DRC1: variants seen among roughly 807,000 people sequenced by gnomAD.
DRC1 encodes the protein dynein regulatory complex protein 1.
Under a neutral mutation model 98.7 loss-of-function variants are expected in DRC1, and 74 were observed. The observed-to-expected ratio is 0.75, with a 90% confidence interval of 0.62 to 0.91. DRC1 has a LOEUF of 0.91. DRC1 is among the 40% of genes least tolerant of loss of function. The pLI is 0.00. For synonymous variants in DRC1, 336 were observed against 334.1 expected, an observed-to-expected ratio of 1.01 and a Z score of -0.06; for missense variants, 875 against 886.0, an observed-to-expected ratio of 0.99 and a Z score of 0.16.
chr2:26,428,875 A>G (rs1027049846), intron 4 of DRC1, among the ~76,000 whole-genome samples: 14 of 152,102 alleles, frequency 9.2e-5, no homozygotes, highest in Admixed American at 7.9e-4. Context: ...AAATGTTGCT[A>G]TGCAGCACAT....
At chr2:26,436,934 A>C (rs1447312249) in intron 7 of DRC1, among the ~76,000 whole-genome samples, 1 of 151,410 alleles carries the variant, frequency 6.6e-6, no homozygotes, top group African/African-American at 2.4e-5. Context: ...AGTTCCGAAG[A>C]CCCTCCTTCT....
intron 5 of DRC1, chr2:26,430,532 TGATA>T (rs2147991351): frequency 1.8e-6 from 1 of 567,700 alleles, no homozygotes; most frequent in East Asian, 4.2e-5. Flanking sequence ...TCCCTGCCTC[TGATA>T]TTGACTAAGC....
chr2:26,449,101 C>G (rs924585076), intron 11 of DRC1, among the ~76,000 whole-genome samples: 1 of 152,264 alleles, frequency 6.6e-6, no homozygotes, highest in Non-Finnish European at 1.5e-5. Context: ...GCTTCTGAGA[C>G]AGAAGTTGCA....
At chr2:26,433,117 A>C (rs1454489006) in intron 7 of DRC1, among the ~76,000 whole-genome samples, 1 of 152,216 alleles carries the variant, frequency 6.6e-6, no homozygotes, top group Non-Finnish European at 1.5e-5. Context: ...GGTATTGAAG[A>C]AGGATTCCTG....
intron 1 of DRC1, among the ~76,000 whole-genome samples, chr2:26,408,259 C>T (rs1043179588): frequency 1.3e-5 from 2 of 152,006 alleles, no homozygotes; most frequent in African/African-American, 4.8e-5. Context: ...GAAAGTCAAG[C>T]GGAGGATCTA....
At position 26,429,776 on chromosome 2, in the gene DRC1, G is replaced by A. The variant is rs1663385019; in HGVS notation, c.678+11G>A. ...CTCTATAACATTGAGGTAACAGGGT[G>A]TGAAAAGACCTGGTTTCTGCTCTTG... On this transcript the variant is annotated intron_variant, in intron 5 of 16. Transcript: ENST00000288710. 6.2e-7 allele frequency: 1 copy of A among 1,613,444 alleles called. No homozygotes were observed. Among genetic ancestry groups the A allele is most frequent in the African/African-American group, 1.3e-5 (1 of 74,914 alleles).
At chr2:26,418,269 C>T (rs982344607) in intron 2 of DRC1, among the ~76,000 whole-genome samples, 5 of 151,698 alleles carry the variant, frequency 3.3e-5, no homozygotes, top group African/African-American at 9.7e-5. Flanking sequence ...CAATGTTATG[C>T]AACCCCTGGG....
intron 1 of DRC1, among the ~76,000 whole-genome samples, chr2:26,407,610 G>T (rs1384740737): frequency 6.6e-6 from 1 of 151,992 alleles, no homozygotes; most frequent in Non-Finnish European, 1.5e-5. Flanking sequence ...ACCTGAAGAT[G>T]ACAAAAGGCC....
intron 1 of DRC1, among the ~76,000 whole-genome samples, chr2:26,402,603 G>A (rs1678287497): frequency 1.3e-5 from 2 of 152,174 alleles, no homozygotes; most frequent in African/African-American, 4.8e-5. Flanking sequence ...TCCTAAGTGC[G>A]GGATGTATTG....
chr2:26,447,580 T>C (rs1295250433), intron 10 of DRC1, among the ~76,000 whole-genome samples: 2 of 152,094 alleles, frequency 1.3e-5, no homozygotes, highest in Non-Finnish European at 2.9e-5. Context: ...TTTATTTTTG[T>C]CTTTTTGAGA....
intron 2 of DRC1, among the ~76,000 whole-genome samples, chr2:26,414,737 A>T (rs750317379): frequency 6.6e-6 from 1 of 152,102 alleles, no homozygotes; most frequent in Admixed American, 6.5e-5. Flanking sequence ...CACTTTCCAA[A>T]CATATCTCCT....
rs371798371 is a variant in DRC1 at position 26,450,129 on chromosome 2, G to A, written c.1599+44G>A. ...GGAGGACACGGGTGGGGCTGCAGCC[G>A]GCCGTGTTCTCAGATGGCCCTGCCA... On this transcript the variant is annotated intron_variant, in intron 12 of 16. Coordinates refer to ENST00000288710, the MANE Select transcript of DRC1 (RefSeq NM_145038.5). The A allele has an allele frequency of 4.9e-4, 768 of 1,570,562 alleles. 5 individuals are homozygous for A. Among genetic ancestry groups the A allele is most frequent in the Non-Finnish European group, 1.7e-4 (199 of 1,154,808 alleles).
At chr2:26,420,344 A>G (rs544301508) in intron 2 of DRC1, among the ~76,000 whole-genome samples, 5 of 152,238 alleles carry the variant, frequency 3.3e-5, no homozygotes, top group African/African-American at 1.2e-4. Context: ...GAGAGGGAGA[A>G]ATGGACATGG....
intron 16 of DRC1, 69 bp downstream of exon 16, chr2:26,455,302 AT>A: frequency 1.4e-6 from 2 of 1,475,450 alleles, no homozygotes; most frequent in Non-Finnish European, 1.9e-6. Context: ...TGGAGCTGGG[AT>A]TAGGGAACGA....
At chr2:26,444,583 C>T (rs1460657692) in intron 9 of DRC1, 133 bp from the exon 10 acceptor site, 1 of 1,046,336 alleles carries the variant, frequency 9.6e-7, no homozygotes, top group African/African-American at 1.6e-5. Flanking sequence ...AAGTGGGAAT[C>T]AGCCGCCCAG....
At chr2:26,423,260 T>G (rs2147986626) in intron 3 of DRC1, among the ~76,000 whole-genome samples, 1 of 152,076 alleles carries the variant, frequency 6.6e-6, no homozygotes, top group South Asian at 2.1e-4. Context: ...AAAGATGACC[T>G]GACAGCTCTT....
rs1159531805 is a variant in DRC1 at position 26,446,694 on chromosome 2, T to G, written c.1396+1746T>G. On this transcript the variant is annotated intron_variant, in intron 10 of 16. Transcript: ENST00000288710. The stretch of plus-strand genomic sequence containing the variant: ...CTGCCTCAGAGGAAAATATCAGCCC[T>G]GCCACCAACAAATGATTACTAAAGA... Among the ~76,000 whole-genome samples the G allele has an allele frequency of 3.9e-5, 6 of 152,188 alleles. No homozygotes were observed. In the East Asian group the frequency reaches 1.2e-3, roughly 29 times the overall value.
At chr2:26,449,632 CA>C (rs1663947846) in intron 11 of DRC1, among the ~76,000 whole-genome samples, 1 of 152,172 alleles carries the variant, frequency 6.6e-6, no homozygotes, top group African/African-American at 2.4e-5. Flanking sequence ...TATTTGGGGA[CA>C]AGACTATGGG....
At position 26,448,467 on chromosome 2, in the gene DRC1, G is replaced by A. The variant is rs4422123; in HGVS notation, c.1397-224G>A. The A allele has an allele frequency of 3.8e-3, 2,574 of 680,350 alleles. 52 individuals carry two copies. In the African/African-American group the frequency reaches 0.04, roughly 10 times the overall value. The allele number at this position is 680,350 out of a possible 1,614,324, so 42.1% of individuals were successfully genotyped here. Reference sequence around the variant, plus strand: ...AAGTAGGGCATTACAGGCTGGCTGGGAATGGCCGAGTTCTCCAGGTAGTCT... The same window carrying A: ...AAGTAGGGCATTACAGGCTGGCTGGAAATGGCCGAGTTCTCCAGGTAGTCT... On this transcript the variant is annotated intron_variant, in intron 10 of 16. Coordinates refer to ENST00000288710, the MANE Select transcript of DRC1 (RefSeq NM_145038.5).
Sources: allele counts gnomAD v4.1 joint callset (sites outside exome capture counted in the v4.1 genomes callset), GRCh38; gene constraint gnomAD v4.1.1; transcripts MANE v1.5; gene names NCBI Gene and HGNC (gene_info 2026-07-23, HGNC 2026-07-21).